The following AMPH variants were observed in gnomAD, a reference collection of about 807,000 sequenced individuals.
AMPH encodes amphiphysin.
Under a neutral mutation model 99.1 loss-of-function variants are expected in AMPH, and 49 were observed. The ratio of observed to expected loss-of-function variants is 0.49; its 90% CI spans 0.39 to 0.63. AMPH has a LOEUF of 0.63. Ranked by LOEUF, AMPH falls within the 20% of genes least tolerant of loss-of-function variation. AMPH has a pLI of 0.00. For missense variants in AMPH, 759 were observed against 863.4 expected (o/e 0.88, Z 1.52); for synonymous variants, 314 against 317.3 (o/e 0.99, Z 0.11).
chr7:38,610,264 G>A (rs7783106), intron 1 of AMPH, among the ~76,000 whole-genome samples: 383 of 6,698 alleles, frequency 0.057, no homozygotes, highest in East Asian at 0.074. Flanking sequence ...AAAAAAAAAA[G>A]AAAGAAAGAA....
intron 11 of AMPH, among the ~76,000 whole-genome samples, chr7:38,455,731 C>T (rs984908322): frequency 1.3e-5 from 2 of 152,194 alleles, no homozygotes; most frequent in Non-Finnish European, 1.5e-5. Context: ...AGGGACCACA[C>T]AGAGACATTG....
Position 38,384,041 on chromosome 7 carries a change from G to A in AMPH, c.*777C>T, listed in dbSNP as rs1016805298. 3.3e-5 allele frequency: 5 copies of A among 152,432 alleles called. No individual in the cohort carries two copies. Among genetic ancestry groups the A allele is most frequent in the Admixed American group, 6.5e-5 (1 of 15,290 alleles). 9.4% of individuals were successfully genotyped at this position (152,432 alleles called of 1,614,324 possible). A position where few individuals can be genotyped will look rare whatever the true frequency, so the allele number is the denominator to read the frequency against. On this transcript the variant is annotated 3_prime_UTR_variant, in exon 21 of 21. Transcript: ENST00000356264. ...CCCTGCCTTCTCTGAGGGTGCCTCA[G>A]TGTAGTCGTGCTATCTGTCATCTCA...
At chr7:38,497,670 A>G (rs1171790815) in intron 3 of AMPH, among the ~76,000 whole-genome samples, 3 of 152,242 alleles carry the variant, frequency 2.0e-5, no homozygotes, top group South Asian at 2.1e-4. Flanking sequence ...AAGAACGTCT[A>G]AAATACTGCA....
chr7:38,568,595 C>T (rs781114408), intron 1 of AMPH, among the ~76,000 whole-genome samples: 39 of 152,292 alleles, frequency 2.6e-4, no homozygotes, highest in Non-Finnish European at 4.7e-4. Context: ...GGCATTATTA[C>T]GGTTACTATG....
chr7:38,626,185 G>A (rs1366363473), intron 1 of AMPH, among the ~76,000 whole-genome samples: 1 of 151,980 alleles, frequency 6.6e-6, no homozygotes, highest in African/African-American at 2.4e-5. Context: ...CTTAAGTTCT[G>A]GGATACATGT....
rs181298086 is a variant in AMPH at position 38,428,627 on chromosome 7, T to A, written c.1182+1215A>T. ...TTATGTCTTTTCTAGTCAAATCCCA[T>A]CCCTCAGGGCTGCCATCTTCAATAT... is the stretch of plus-strand genomic sequence containing the variant. On this transcript the variant is annotated intron_variant, in intron 14 of 20. Transcript: ENST00000356264. The A allele has an allele frequency of 6.8e-4, 309 of 456,696 alleles. 2 individuals carry two copies. The highest frequency in any genetic ancestry group is 5.7e-3 in the African/African-American group (288 of 50,196). 28.3% of individuals were successfully genotyped at this position (456,696 alleles called of 1,614,324 possible). A position where few individuals can be genotyped will look rare whatever the true frequency, so the allele number is the denominator to read the frequency against.
chr7:38,470,627 T>C (rs1467685869), intron 7 of AMPH, among the ~76,000 whole-genome samples: 3 of 152,116 alleles, frequency 2.0e-5, no homozygotes, highest in African/African-American at 7.2e-5. Context: ...TCTGCTTTGA[T>C]CCTCATCTTG....
At chr7:38,551,463 T>G (rs1791180545) in intron 1 of AMPH, among the ~76,000 whole-genome samples, 1 of 152,226 alleles carries the variant, frequency 6.6e-6, no homozygotes, top group Admixed American at 6.5e-5. Context: ...ATTTATTGCC[T>G]TCTTTCTTTT....
At chr7:38,398,888 G>A (rs1784764034) in intron 17 of AMPH, among the ~76,000 whole-genome samples, 1 of 152,184 alleles carries the variant, frequency 6.6e-6, no homozygotes, top group Non-Finnish European at 1.5e-5. Context: ...TAGCTGCTGT[G>A]ACACCAACCA....
At chr7:38,481,787 A>G (rs932707046) in intron 5 of AMPH, among the ~76,000 whole-genome samples, 26 of 152,232 alleles carry the variant, frequency 1.7e-4, no homozygotes, top group Middle Eastern at 3.4e-3. Flanking sequence ...GAGGCAAGGA[A>G]GTCAACTGTG....
chr7:38,406,833 C>A (rs1009977009), intron 17 of AMPH, among the ~76,000 whole-genome samples: 1 of 141,904 alleles, frequency 7.0e-6, no homozygotes, highest in Non-Finnish European at 1.5e-5. Flanking sequence ...TGGGACTTAA[C>A]ACCAGTGGCC....
chr7:38,498,090 T>C (rs1449289516), intron 3 of AMPH, among the ~76,000 whole-genome samples: 1 of 152,238 alleles, frequency 6.6e-6, no homozygotes, highest in African/African-American at 2.4e-5. Context: ...TTAATTTTCT[T>C]GTCCAAACCT....
At chr7:38,577,061 C>T (rs1792271933) in intron 1 of AMPH, among the ~76,000 whole-genome samples, 1 of 152,162 alleles carries the variant, frequency 6.6e-6, no homozygotes, top group Non-Finnish European at 1.5e-5. Flanking sequence ...TTCTAGTCTA[C>T]ATACAAGTCA....
intron 2 of AMPH, among the ~76,000 whole-genome samples, chr7:38,513,357 T>C (rs1789614687): frequency 6.6e-6 from 1 of 152,160 alleles, no homozygotes; most frequent in African/African-American, 2.4e-5. Flanking sequence ...TACAGGGTGA[T>C]GATTTTTGCA....
At chr7:38,559,451 TC>T (rs1441312290) in intron 1 of AMPH, among the ~76,000 whole-genome samples, 1 of 152,170 alleles carries the variant, frequency 6.6e-6, no homozygotes, top group Non-Finnish European at 1.5e-5. Context: ...GAGCCAGGGA[TC>T]CCAGCAATAC....
intron 1 of AMPH, among the ~76,000 whole-genome samples, chr7:38,583,401 A>T (rs1349634405): frequency 6.6e-6 from 1 of 151,942 alleles, no homozygotes; most frequent in African/African-American, 2.4e-5. Flanking sequence ...TAAATAGTGA[A>T]TTTTTTTTAG....
chr7:38,452,658 C>G (rs1787080651), intron 11 of AMPH, among the ~76,000 whole-genome samples: 1 of 152,170 alleles, frequency 6.6e-6, no homozygotes, highest in African/African-American at 2.4e-5. Flanking sequence ...CTGGGTATTT[C>G]TCTGGAATAA....
intron 1 of AMPH, among the ~76,000 whole-genome samples, chr7:38,561,466 A>G (rs942619052): frequency 6.6e-6 from 1 of 152,228 alleles, no homozygotes; most frequent in Non-Finnish European, 1.5e-5. Context: ...GCATTGTGCT[A>G]GGCACTGCAC....
chr7:38,565,904 G>A (rs888513815), intron 1 of AMPH, among the ~76,000 whole-genome samples: 1 of 152,042 alleles, frequency 6.6e-6, no homozygotes, highest in African/African-American at 2.4e-5. Context: ...AATGCTACTA[G>A]GCTAAAAACA....
Sources: allele counts gnomAD v4.1 joint callset (sites outside exome capture counted in the v4.1 genomes callset), GRCh38; gene constraint gnomAD v4.1.1; transcripts MANE v1.5; gene names NCBI Gene and HGNC (gene_info 2026-07-23, HGNC 2026-07-21).